PDE4C: variants seen among roughly 807,000 people sequenced by gnomAD.
PDE4C encodes 3',5'-cyclic-AMP phosphodiesterase 4C.
In PDE4C, 50 loss-of-function variants were observed where a neutral mutation model predicts 63.9. The observed-to-expected ratio is 0.78, with a 90% CI of 0.62 to 0.99. The LOEUF (loss-of-function observed/expected upper bound fraction) is 0.99. Among genes scored for constraint, PDE4C ranks in the 50% least tolerant of loss-of-function variants. The pLI is 0.00. For synonymous variants in PDE4C, 377 were observed against 385.1 expected (o/e 0.98, Z 0.25); for missense variants, 777 against 899.1 (o/e 0.86, Z 1.74).
chr19:18,226,311 G>A (rs763771878), exon 1 of PDE4C: 5 of 1,569,302 alleles, frequency 3.2e-6, no homozygotes, highest in Admixed American at 3.7e-5. Context: ...GCAGGCGGAT[G>A]CTCTGATTCA....
chr19:18,238,148 C>A (rs1438034651), upstream of PDE4C, among the ~76,000 whole-genome samples: 1 of 151,978 alleles, frequency 6.6e-6, no homozygotes, highest in East Asian at 1.9e-4. Flanking sequence ...CTGCTTCAGC[C>A]CAGAAGGTCA....
chr19:18,208,460 C>T (rs972853638), downstream of PDE4C: 1 of 152,004 alleles, frequency 6.6e-6, no homozygotes, highest in African/African-American at 2.4e-5. Context: ...TGGAGGATGC[C>T]ACCCCTCCGA....
chr19:18,224,450 G>T, intron 1 of PDE4C: 1 of 985,556 alleles, frequency 1.0e-6, no homozygotes, highest in Non-Finnish European at 1.2e-6. Context: ...GGCAGCATTC[G>T]GTCCAAGTAT....
upstream of PDE4C, among the ~76,000 whole-genome samples, chr19:18,251,281 A>G (rs1969226166): frequency 1.3e-5 from 2 of 150,326 alleles, no homozygotes; most frequent in South Asian, 4.2e-4. Flanking sequence ...GCCCGCCACC[A>G]TGCCTGGCTA....
At chr19:18,229,666 A>T (rs564117307), upstream of PDE4C, among the ~76,000 whole-genome samples, 206 of 152,076 alleles carry the variant, frequency 1.4e-3, 2 homozygotes, top group Non-Finnish European at 4.1e-4. Context: ...GTTTTTGACC[A>T]TTTTACAGAT....
chr19:18,222,227 G>A, exon 2 of PDE4C: 1 of 1,614,178 alleles, frequency 6.2e-7, no homozygotes, highest in South Asian at 1.1e-5. Context: ...GCCGCTGGCT[G>A]TGCGGGACTG....
chr19:18,242,785 C>CAAA (rs11381255), intron 1 of PDE4C, among the ~76,000 whole-genome samples: 14 of 109,360 alleles, frequency 1.3e-4, no homozygotes, highest in East Asian at 2.7e-4. Flanking sequence ...ACTTTCACCT[C>CAAA]AAAAAAAAAA....
At chr19:18,227,781 C>T (rs1308076106), upstream of PDE4C, among the ~76,000 whole-genome samples, 2 of 152,206 alleles carry the variant, frequency 1.3e-5, no homozygotes, top group Non-Finnish European at 2.9e-5. Context: ...GGGCGGCTGC[C>T]TCAGTCTTGG....
At chr19:18,232,374 C>CGTGTGTGT (rs4006742) in intron 1 of PDE4C, among the ~76,000 whole-genome samples, 4 of 149,848 alleles carry the variant, frequency 2.7e-5, no homozygotes, top group Admixed American at 6.6e-5. Flanking sequence ...AAAATAAAAA[C>CGTGTGTGT]GTGTGTGTGT....
chr19:18,213,386 G>C, exon 13 of PDE4C: 1 of 1,613,740 alleles, frequency 6.2e-7, no homozygotes, highest in African/African-American at 1.3e-5. Context: ...GGTCGGAATA[G>C]TTGTCCAGGA....
At chr19:18,253,309 G>A in the PDE4C span, among the ~76,000 whole-genome samples, 1 of 152,242 alleles carries the variant, frequency 6.6e-6, no homozygotes, top group Admixed American at 6.5e-5. Flanking sequence ...CCTGACCCCA[G>A]GAATTCAAGG....
chr19:18,224,946 C>T (rs1172855343), intron 1 of PDE4C, among the ~76,000 whole-genome samples: 2 of 152,226 alleles, frequency 1.3e-5, no homozygotes, highest in African/African-American at 4.8e-5. Context: ...CCTCTCTCGG[C>T]TCTCCCCAAG....
At chr19:18,249,726 C>T (rs1380939645), upstream of PDE4C, among the ~76,000 whole-genome samples, 4 of 152,056 alleles carry the variant, frequency 2.6e-5, no homozygotes, top group Admixed American at 2.6e-4. Context: ...GCACCTGCCA[C>T]CACGCTCAGC....
chr19:18,253,575 C>A, the PDE4C span, among the ~76,000 whole-genome samples: 1 of 150,798 alleles, frequency 6.6e-6, no homozygotes. Context: ...CACACACACA[C>A]AATAGAATAG....
chr19:18,211,415 CT>C, intron 14 of PDE4C, 139 bp from the exon 15 acceptor site: 1 of 761,184 alleles, frequency 1.3e-6, no homozygotes, highest in Non-Finnish European at 2.1e-6. Flanking sequence ...CTTCAAAACC[CT>C]TTTCAAATAA....
intron 1 of PDE4C, chr19:18,224,186 CAGAGAAAGGGCGT>C (rs1259920096): frequency 1.0e-6 from 1 of 984,666 alleles, no homozygotes. Context: ...GGTCAGAGGT[CAGAGAAAGGGCGT>C]AGGGCAAGAA....
At chr19:18,253,935 G>T in the PDE4C span, among the ~76,000 whole-genome samples, 1 of 152,166 alleles carries the variant, frequency 6.6e-6, no homozygotes, top group South Asian at 2.1e-4. Flanking sequence ...CATGCACTCT[G>T]CTCTGGGCCA....
upstream of PDE4C, chr19:18,250,086 C>G (rs1969214235): frequency 5.0e-6 from 2 of 398,650 alleles, no homozygotes; most frequent in African/African-American, 4.1e-5. Context: ...TCCCCAGGAA[C>G]CCCAGCCCCA....
chr19:18,249,099 C>T (rs150626830), upstream of PDE4C, among the ~76,000 whole-genome samples: 1,655 of 151,368 alleles, frequency 0.011, 39 homozygotes, highest in African/African-American at 0.038. Flanking sequence ...TGCACTACTG[C>T]ACTCCAGCCT....
Sources: gnomAD v4.1 joint callset for allele counts (sites outside exome capture counted in the v4.1 genomes callset) on GRCh38, gnomAD v4.1.1 for gene constraint, MANE v1.5 for transcripts, NCBI Gene and HGNC (gene_info 2026-07-23, HGNC 2026-07-21) for gene names.